Variants in DLG2 observed in about 807,000 individuals in gnomAD.
The protein encoded by DLG2 is discs large MAGUK scaffold protein 2.
In DLG2, 45 loss-of-function variants were observed where a neutral mutation model predicts 132.5. The ratio of observed to expected loss-of-function variants is 0.34; its 90% CI spans 0.27 to 0.44. The LOEUF (loss-of-function observed/expected upper bound fraction) is 0.44. Ranked by LOEUF, DLG2 falls within the 20% of genes least tolerant of loss-of-function variation. The pLI is 1.00. For missense variants in DLG2, 1,045 were observed against 1,196.9 expected (o/e 0.87, Z 1.87); for synonymous variants, 424 against 419.6 (o/e 1.01, Z -0.13).
intron 6 of DLG2, among the ~76,000 whole-genome samples, chr11:84,825,852 TTATTACCCTG>T (rs1431193659): frequency 3.3e-5 from 5 of 151,902 alleles, no homozygotes; most frequent in African/African-American, 4.8e-5. Flanking sequence ...TTCTCTTCTT[TTATTACCCTG>T]TAAATGCTGT....
chr11:84,663,291 G>A (rs1479244689), intron 6 of DLG2, among the ~76,000 whole-genome samples: 2 of 150,440 alleles, frequency 1.3e-5, no homozygotes, highest in African/African-American at 4.9e-5. Flanking sequence ...AATGTTGTGA[G>A]ATAGACTCTT....
At chr11:85,341,276 G>A (rs1306211133) in intron 3 of DLG2, among the ~76,000 whole-genome samples, 2 of 152,036 alleles carry the variant, frequency 1.3e-5, no homozygotes, top group East Asian at 3.9e-4. Context: ...CTGCCAACAT[G>A]CCTGGCTAAT....
intron 18 of DLG2, among the ~76,000 whole-genome samples, chr11:83,750,293 C>T (rs1399511767): frequency 6.6e-6 from 1 of 152,086 alleles, no homozygotes; most frequent in Non-Finnish European, 1.5e-5. Flanking sequence ...GTGACTGAGG[C>T]TAATGACCAC....
intron 16 of DLG2, among the ~76,000 whole-genome samples, chr11:83,848,265 A>G (rs1331953769): frequency 6.6e-6 from 1 of 151,928 alleles, no homozygotes; most frequent in Non-Finnish European, 1.5e-5. Context: ...TTGGGCCTCT[A>G]GCATCTAGTC....
intron 6 of DLG2, among the ~76,000 whole-genome samples, chr11:85,045,812 A>C (rs560594505): frequency 6.6e-6 from 1 of 152,200 alleles, no homozygotes; most frequent in African/African-American, 2.4e-5. Flanking sequence ...CTTTTCAACT[A>C]TTCTAGAAGG....
At chr11:84,579,188 CGT>C (rs140667305) in intron 6 of DLG2, among the ~76,000 whole-genome samples, 2,737 of 145,634 alleles carry the variant, frequency 0.019, 32 homozygotes, top group Middle Eastern at 0.032. Context: ...GCATTATTCA[CGT>C]GTGTGTGTGT....
intron 6 of DLG2, among the ~76,000 whole-genome samples, chr11:84,996,736 ACTAT>A (rs2057688214): frequency 6.6e-6 from 1 of 152,204 alleles, no homozygotes; most frequent in Admixed American, 6.6e-5. Context: ...AAATCACACC[ACTAT>A]CTGATTTACA....
Position 84,308,685 on chromosome 11 carries a change from G to C in DLG2, c.520-57394C>G, listed in dbSNP as rs573328854. ...GGCATGGTCCCGAGCCCTGCCCCGC[G>C]GGGAGGCAGCTAAGGCCCGTGAGAA... On this transcript the variant is annotated intron_variant, in intron 7 of 27. Coordinates refer to ENST00000376104, the MANE Select transcript of DLG2 (RefSeq NM_001142699.3). Among the ~76,000 whole-genome samples the C allele has an allele frequency of 3.9e-5, 6 of 152,252 alleles. No individual in the cohort carries two copies. The South Asian group carries it at 1.2e-3, about 32-fold the overall frequency.
intron 7 of DLG2, among the ~76,000 whole-genome samples, chr11:84,306,640 C>G (rs2098222123): frequency 6.6e-6 from 1 of 152,170 alleles, no homozygotes; most frequent in South Asian, 2.1e-4. Flanking sequence ...TCATGACTGT[C>G]TAGTGGAACG....
At chr11:84,439,742 C>T (rs557442029) in intron 7 of DLG2, among the ~76,000 whole-genome samples, 1 of 152,252 alleles carries the variant, frequency 6.6e-6, no homozygotes, top group African/African-American at 2.4e-5. Flanking sequence ...CAAGTTGTTC[C>T]AAGCCATGTT....
chr11:85,263,152 T>A (rs1344294946), intron 4 of DLG2, among the ~76,000 whole-genome samples: 1 of 152,224 alleles, frequency 6.6e-6, no homozygotes, highest in African/African-American at 2.4e-5. Flanking sequence ...ATCCTGGCAC[T>A]AGGGCCTTAC....
chr11:84,091,628 T>C (rs1456127503), intron 10 of DLG2, among the ~76,000 whole-genome samples: 2 of 152,254 alleles, frequency 1.3e-5, no homozygotes, highest in Non-Finnish European at 1.5e-5. Context: ...TATATGTCTA[T>C]ATTAGTTTCT....
At position 83,833,091 on chromosome 11, in the gene DLG2, T is replaced by A. The variant is rs181041335; in HGVS notation, c.1722+523A>T. On this transcript the variant is annotated intron_variant, in intron 17 of 27. Transcript: ENST00000376104. The stretch of plus-strand genomic sequence containing the variant: ...GAAGAAAACATTAGCACCTTCGCCT[T>A]TATTTGAGGGAAGTAAGTGCCACAA... Among the ~76,000 whole-genome samples, 301 of 152,256 alleles carry A rather than the reference T, an allele frequency of 2.0e-3. 2 individuals carry two copies. The highest frequency in any genetic ancestry group is 0.01 in the Middle Eastern group (3 of 294).
intron 21 of DLG2, among the ~76,000 whole-genome samples, chr11:83,500,147 G>A (rs2094393997): frequency 6.6e-6 from 1 of 151,754 alleles, no homozygotes; most frequent in Admixed American, 6.6e-5. Context: ...TAGTAACTTA[G>A]AAATCTCTGT....
At chr11:85,406,482 T>TA (rs34929313) in intron 3 of DLG2, among the ~76,000 whole-genome samples, 124,122 of 151,156 alleles carry the variant, frequency 0.82, 51,251 homozygotes, top group Middle Eastern at 0.89. Flanking sequence ...TGAATTCTGT[T>TA]AAATCTAAGC....
intron 17 of DLG2, among the ~76,000 whole-genome samples, chr11:83,796,570 T>C (rs1273634839): frequency 6.6e-6 from 1 of 152,182 alleles, no homozygotes; most frequent in Non-Finnish European, 1.5e-5. Flanking sequence ...ATTCTATTTT[T>C]TGTTATCTCT....
intron 3 of DLG2, among the ~76,000 whole-genome samples, chr11:85,364,025 A>C (rs2084354182): frequency 6.6e-6 from 1 of 152,158 alleles, no homozygotes; most frequent in Non-Finnish European, 1.5e-5. Context: ...AAGTATATAT[A>C]ATTGTATTAG....
Position 85,198,816 on chromosome 11 carries a change from G to A in DLG2, c.187-44165C>T, listed in dbSNP as rs1222424815. Reference sequence around the variant, plus strand: ...ATCTTTCTCTTACCTCAAGTCACTTGCCACACTTAAATTCTCATCAGTTGA... The same window carrying A: ...ATCTTTCTCTTACCTCAAGTCACTTACCACACTTAAATTCTCATCAGTTGA... On this transcript the variant is annotated intron_variant, in intron 4 of 27. Transcript: ENST00000376104. Among the ~76,000 whole-genome samples the A allele has an allele frequency of 2.0e-5, 3 of 151,956 alleles. No individual in the cohort carries two copies. The East Asian group carries it at 5.8e-4, about 29-fold the overall frequency.
At chr11:83,584,630 G>C (rs2097049786) in intron 19 of DLG2, among the ~76,000 whole-genome samples, 1 of 152,202 alleles carries the variant, frequency 6.6e-6, no homozygotes, top group Non-Finnish European at 1.5e-5. Flanking sequence ...GCTGTAAATG[G>C]AAGCAAAAAT....
Sources: gnomAD v4.1 joint callset for allele counts (sites outside exome capture counted in the v4.1 genomes callset) on GRCh38, gnomAD v4.1.1 for gene constraint, MANE v1.5 for transcripts, NCBI Gene and HGNC (gene_info 2026-07-23, HGNC 2026-07-21) for gene names.